Variants in PIBF1 observed in about 807,000 individuals in gnomAD.
The protein encoded by PIBF1 is progesterone-induced-blocking factor 1.
In PIBF1, 90 loss-of-function variants were observed where a neutral mutation model predicts 112.5. The ratio of observed to expected loss-of-function variants is 0.80; its 90% CI spans 0.67 to 0.95. PIBF1 has a LOEUF of 0.95. Among genes scored for constraint, PIBF1 ranks in the 40% least tolerant of loss-of-function variants. The probability of loss-of-function intolerance (pLI) is 0.00; values close to 1 mark genes in which losing one functional copy is unlikely to be tolerated. For synonymous variants in PIBF1, 301 were observed against 288.6 expected (o/e 1.04, Z -0.44); for missense variants, 915 against 852.3 (o/e 1.07, Z -0.92).
At chr13:72,901,730 C>T (rs548201466) in intron 11 of PIBF1, among the ~76,000 whole-genome samples, 9 of 151,120 alleles carry the variant, frequency 6.0e-5, no homozygotes, top group South Asian at 2.1e-4. Flanking sequence ...ATGGATGCGG[C>T]GATCAGGGAA....
At chr13:73,007,482 C>T (rs2044070436) in intron 17 of PIBF1, among the ~76,000 whole-genome samples, 1 of 152,044 alleles carries the variant, frequency 6.6e-6, no homozygotes, top group African/African-American at 2.4e-5. Flanking sequence ...AGCCAGCAAA[C>T]TCTATTGTAT....
intron 10 of PIBF1, 54 bp downstream of exon 10, chr13:72,854,209 C>T (rs2038307783): frequency 8.8e-7 from 1 of 1,132,234 alleles, no homozygotes; most frequent in Non-Finnish European, 1.3e-6. Flanking sequence ...GTTTCTGTTA[C>T]ATATTCTTTT....
rs569587397 is a variant in PIBF1, at chr13:72,971,516, G to A, written c.1965-2075G>A. Among the ~76,000 whole-genome samples the A allele has an allele frequency of 1.4e-4, 22 of 152,128 alleles. No individual in the cohort carries two copies. The South Asian group carries it at 1.5e-3, about 10-fold the overall frequency. On this transcript the variant is annotated intron_variant, in intron 15 of 17. Coordinates refer to ENST00000326291, the MANE Select transcript of PIBF1 (RefSeq NM_006346.4). Reference sequence around the variant, plus strand: ...CCTCAGCTCTTGTGGGATCTCTGGCGCCTAACTCTAAAAGTCAGTTTGTTT... The same window carrying A: ...CCTCAGCTCTTGTGGGATCTCTGGCACCTAACTCTAAAAGTCAGTTTGTTT...
intron 16 of PIBF1, among the ~76,000 whole-genome samples, chr13:72,995,190 T>C (rs2043608711): frequency 6.6e-6 from 1 of 150,990 alleles, no homozygotes; most frequent in African/African-American, 2.4e-5. Flanking sequence ...TAATCCCAGC[T>C]ACTTGGGAGA....
chr13:72,846,626 G>A (rs1398134600), intron 9 of PIBF1, among the ~76,000 whole-genome samples: 1 of 152,098 alleles, frequency 6.6e-6, no homozygotes, highest in Non-Finnish European at 1.5e-5. Flanking sequence ...TAGTTATGCT[G>A]GCCTCCTGTT....
intron 2 of PIBF1, among the ~76,000 whole-genome samples, chr13:72,788,295 C>T (rs992147803): frequency 2.0e-5 from 3 of 152,074 alleles, no homozygotes; most frequent in African/African-American, 7.2e-5. Flanking sequence ...GAACCAACTG[C>T]CCAGGGTTTC....
chr13:72,839,034 G>A (rs559643304), intron 9 of PIBF1, among the ~76,000 whole-genome samples: 1 of 152,322 alleles, frequency 6.6e-6, no homozygotes, highest in African/African-American at 2.4e-5. Flanking sequence ...TGTAAGACCT[G>A]TGGGGAACAA....
At chr13:72,938,653 A>G (rs916515487) in intron 14 of PIBF1, among the ~76,000 whole-genome samples, 9 of 152,114 alleles carry the variant, frequency 5.9e-5, no homozygotes, top group African/African-American at 1.9e-4. Context: ...TTCATGTTCA[A>G]ATTTTTTGTT....
At chr13:72,827,415 AT>A (rs2036869003) in intron 7 of PIBF1, among the ~76,000 whole-genome samples, 1 of 151,406 alleles carries the variant, frequency 6.6e-6, no homozygotes, top group Non-Finnish European at 1.5e-5. Flanking sequence ...TGCCCTACTA[AT>A]TTTTACATTT....
chr13:72,994,470 A>G (rs1373313502), intron 16 of PIBF1, among the ~76,000 whole-genome samples: 1 of 152,214 alleles, frequency 6.6e-6, no homozygotes, highest in Non-Finnish European at 1.5e-5. Flanking sequence ...AAAAGAATCC[A>G]GTCAAACTTA....
intron 14 of PIBF1, among the ~76,000 whole-genome samples, chr13:72,951,209 G>A (rs2042287874): frequency 6.6e-6 from 1 of 152,172 alleles, no homozygotes; most frequent in Admixed American, 6.5e-5. Context: ...GGTCGTAGGG[G>A]AGAGGGATTC....
intron 8 of PIBF1, among the ~76,000 whole-genome samples, chr13:72,833,562 G>C (rs1273475384): frequency 6.6e-6 from 1 of 152,214 alleles, no homozygotes; most frequent in African/African-American, 2.4e-5. Flanking sequence ...TGTTTGCCTG[G>C]ATATCACCAG....
chr13:72,983,426 C>T (rs915605409), intron 16 of PIBF1, among the ~76,000 whole-genome samples: 7 of 152,170 alleles, frequency 4.6e-5, no homozygotes, highest in African/African-American at 1.7e-4. Context: ...ATTAATCAAC[C>T]ACTCCTTACT....
At chr13:72,964,411 GTAGC>G (rs1198157737) in intron 14 of PIBF1, among the ~76,000 whole-genome samples, 1 of 152,136 alleles carries the variant, frequency 6.6e-6, no homozygotes, top group African/African-American at 2.4e-5. Context: ...AATAGAAGTG[GTAGC>G]TATTCAACAT....
chr13:72,819,726 A>T (rs2036454828), intron 5 of PIBF1, among the ~76,000 whole-genome samples: 1 of 152,060 alleles, frequency 6.6e-6, no homozygotes, highest in South Asian at 2.1e-4. Context: ...GTATTTAGAT[A>T]TATTTGTTTT....
At position 72,795,110 on chromosome 13, in the gene PIBF1, A is replaced by T. The variant is rs533771155; in HGVS notation, c.354-249A>T. Among the ~76,000 whole-genome samples the T allele has an allele frequency of 1.7e-3, 256 of 152,316 alleles. No homozygotes were observed. Among genetic ancestry groups the T allele is most frequent in the Middle Eastern group, 3.4e-3 (1 of 294 alleles). On this transcript the variant is annotated intron_variant, in intron 3 of 17. Transcript: ENST00000326291. ...TATAATTTTATAATTTGAATTTCTA[A>T]AATTATTCTTTAAGAATATCAATTC...
At chr13:72,949,807 ACT>A (rs2042251054) in intron 14 of PIBF1, among the ~76,000 whole-genome samples, 1 of 152,032 alleles carries the variant, frequency 6.6e-6, no homozygotes, top group African/African-American at 2.4e-5. Context: ...TTTTTTTAAC[ACT>A]GTTTGCAACC....
intron 14 of PIBF1, among the ~76,000 whole-genome samples, chr13:72,941,382 G>T (rs2042003673): frequency 6.6e-6 from 1 of 152,134 alleles, no homozygotes; most frequent in Non-Finnish European, 1.5e-5. Flanking sequence ...ACTGCCAACA[G>T]TAAGGCAGCT....
chr13:72,846,036 C>A (rs1422328950), intron 9 of PIBF1, among the ~76,000 whole-genome samples: 1 of 152,162 alleles, frequency 6.6e-6, no homozygotes, highest in Non-Finnish European at 1.5e-5. Context: ...TTAAATTTTT[C>A]TCTTCCTCAT....
Sources: gnomAD v4.1 joint callset for allele counts (sites outside exome capture counted in the v4.1 genomes callset) on GRCh38, gnomAD v4.1.1 for gene constraint, MANE v1.5 for transcripts, NCBI Gene and HGNC (gene_info 2026-07-23, HGNC 2026-07-21) for gene names.